The following MED14 variants were observed in gnomAD, a reference collection of about 807,000 sequenced individuals.
MED14 encodes mediator complex subunit 14.
Under a neutral mutation model 109.0 loss-of-function variants are expected in MED14, and 8 were observed. The ratio of observed to expected loss-of-function variants is 0.07; its 90% CI spans 0.04 to 0.13. MED14 has a LOEUF of 0.13. Ranked by LOEUF, MED14 falls within the 10% of genes least tolerant of loss-of-function variation. The pLI, the probability that MED14 is intolerant of heterozygous loss-of-function variation, is 1.00. For missense variants in MED14, 711 were observed against 1,142.4 expected (o/e 0.62, Z 5.44); for synonymous variants, 399 against 408.7 (o/e 0.98, Z 0.29).
chrX:40,674,124 C>A (rs905177777), intron 22 of MED14, among the ~76,000 whole-genome samples: 4 of 111,260 alleles, frequency 3.6e-5, no homozygotes, highest in African/African-American at 6.5e-5. Flanking sequence ...TACTTCTCTC[C>A]CATGGTGGCC....
intron 12 of MED14, 123 bp downstream of exon 12, chrX:40,701,037 AACGGC>A (rs992616425): frequency 5.5e-5 from 23 of 420,427 alleles, no homozygotes; most frequent in Non-Finnish European, 9.4e-5. Context: ...TAAGGTACCA[AACGGC>A]ACTTAAGTTT....
Position 40,680,730 on chromosome X carries a change from T to C in MED14, c.2610+28A>G. On this transcript the variant is annotated intron_variant, in intron 20 of 30. Coordinates refer to ENST00000324817, the MANE Select transcript of MED14 (RefSeq NM_004229.4). ...AGCACGGCTGGCATACTAAGTCTTA[T>C]TTTTAGACAGAAAATAAACTTAATT... 6.0e-6 allele frequency: 7 copies of C among 1,169,402 alleles called. No homozygotes were observed. The East Asian group carries it at 1.5e-4, about 25-fold the overall frequency.
intron 21 of MED14, among the ~76,000 whole-genome samples, chrX:40,678,246 G>A (rs902753888): frequency 1.8e-5 from 2 of 111,642 alleles, no homozygotes; most frequent in Non-Finnish European, 1.9e-5. Context: ...GCAGGTCAGA[G>A]GCCTATTGAA....
Position 40,682,891 on chromosome X carries a change from T to C in MED14, c.2163A>G (p.Val721=), listed in dbSNP as rs764239168. The change falls in exon 17 of 31, where the codon GTA becomes GTG. Residue 721 remains valine, a synonymous_variant. Transcript: ENST00000324817. ...RLQGRNNRTW[V]AELVFANCPL... ...GACAATTTGCAAACACTAACTCTGC[T>C]ACCCAAGTGCGGTTATTTCTACCTT... is the stretch of plus-strand genomic sequence containing the variant. 701 of 1,210,279 alleles carry C rather than the reference T, an allele frequency of 5.8e-4. 4 individuals are homozygous for C. In the South Asian group the frequency reaches 0.012, roughly 20 times the overall value.
Position 40,651,547 on chromosome X carries a change from A to C in MED14, c.*259T>G. 1.1e-6 allele frequency: 1 copy of C among 878,415 alleles called. No homozygotes were observed. The highest frequency in any genetic ancestry group is 5.4e-5 in the East Asian group (1 of 18,620). 72.4% of individuals were successfully genotyped at this position (878,415 alleles called of 1,213,427 possible). On this transcript the variant is annotated 3_prime_UTR_variant, in exon 31 of 31. Transcript: ENST00000324817. ...ACTTTATAGTATAAAACAGAATATT[A>C]AATTTATTACTGGCAAACGGACACT...
chrX:40,656,356 T>C (rs1225585272), intron 28 of MED14, among the ~76,000 whole-genome samples: 1 of 112,140 alleles, frequency 8.9e-6, no homozygotes, highest in Non-Finnish European at 1.9e-5. Context: ...ACTTCGCTAA[T>C]GTACATACCC....
rs749722802 is a variant in MED14, at chrX:40,659,369, C to G, written c.3865-35G>C. 28 of 1,173,198 alleles carry G rather than the reference C, an allele frequency of 2.4e-5. No individual in the cohort carries two copies. In the East Asian group the frequency reaches 8.1e-4, roughly 34 times the overall value. On this transcript the variant is annotated intron_variant, in intron 27 of 30. Coordinates refer to ENST00000324817, the MANE Select transcript of MED14 (RefSeq NM_004229.4). ...TAAATAAAGCAAGTTACTCTTCATT[C>G]TACATTAATGCTTCTGTTTCATTAA...
intron 3 of MED14, among the ~76,000 whole-genome samples, chrX:40,716,708 C>T (rs1360530783): frequency 1.8e-5 from 2 of 111,533 alleles, no homozygotes; most frequent in Non-Finnish European, 1.9e-5. Flanking sequence ...AAGATATCTG[C>T]ACTCCCAGGT....
chrX:40,686,362 T>C (rs923395667), intron 16 of MED14, among the ~76,000 whole-genome samples: 12 of 110,747 alleles, frequency 1.1e-4, no homozygotes, highest in Non-Finnish European at 1.7e-4. Flanking sequence ...ACTAAGAGAA[T>C]AGAATGCAAA....
chrX:40,706,213 G>C (rs1199279830), intron 10 of MED14, among the ~76,000 whole-genome samples: 1 of 111,780 alleles, frequency 8.9e-6, no homozygotes, highest in Non-Finnish European at 1.9e-5. Flanking sequence ...CACAAAAAAG[G>C]ATCAAGTAAG....
chrX:40,703,555 C>T lies in MED14; in HGVS notation c.1300G>A (p.Ala434Thr). Residue 434 changes from alanine to threonine, a missense_variant, in exon 11 of 31, where the codon GCA becomes ACA. Physicochemically the swap from Ala to Thr is moderately conservative, Grantham distance 58. Around this residue, in one of 8 missense-constraint regions of MED14, gnomAD observed 388 missense variants for 517.3 expected, o/e 0.75. Transcript: ENST00000324817. Reference protein sequence around the residue: ...NANENSSIETALPALVVPILE... With the variant: ...NANENSSIETTLPALVVPILE... ...ATGGGAACAACAAGAGCTGGGAGTG[C>T]AGTCTCTATGGAAGCTGAACAATCA... The T allele has an allele frequency of 8.5e-7, 1 of 1,183,093 alleles. No homozygotes were observed.
Position 40,726,836 on chromosome X carries a change from C to T in MED14, c.258G>A (p.Val86=). The change falls in exon 3 of 31, where the codon GTG becomes GTA. Residue 86 remains valine, a synonymous_variant. Transcript: ENST00000324817. ...KSDVERKIEI[V]QFASRTRQLF... Reference sequence around the variant, plus strand: ...GTTGGCGTGTCCGGCTAGCAAACTGCACTATTTCTATTTTCCTATAAAATA... The same window carrying T: ...GTTGGCGTGTCCGGCTAGCAAACTGTACTATTTCTATTTTCCTATAAAATA... 1 of 1,202,401 alleles carries T rather than the reference C, an allele frequency of 8.3e-7. No homozygotes were observed. The highest frequency in any genetic ancestry group is 1.1e-6 in the Non-Finnish European group (1 of 889,834).
At chrX:40,726,592 G>C in intron 3 of MED14, 154 bp downstream of exon 3, 1 of 443,493 alleles carries the variant, frequency 2.3e-6, no homozygotes, top group East Asian at 4.0e-5. Context: ...CAAATACTAA[G>C]TTTCTGCAGA....
At chrX:40,683,478 T>C (rs893783485) in intron 16 of MED14, among the ~76,000 whole-genome samples, 11 of 112,224 alleles carry the variant, frequency 9.8e-5, no homozygotes, top group Non-Finnish European at 9.4e-5. Flanking sequence ...AGAATTACCT[T>C]ATGTGTCATT....
chrX:40,697,798 T>C (rs1930775412), intron 12 of MED14, among the ~76,000 whole-genome samples: 2 of 112,244 alleles, frequency 1.8e-5, no homozygotes, highest in South Asian at 7.3e-4. Context: ...CACAGCAGCA[T>C]AACGATGCCA....
intron 20 of MED14, 129 bp downstream of exon 20, chrX:40,680,629 G>T: frequency 1.9e-6 from 1 of 536,263 alleles, no homozygotes; most frequent in Non-Finnish European, 2.9e-6. Flanking sequence ...CATTGCCCAA[G>T]CTGGTCTTGA....
intron 16 of MED14, among the ~76,000 whole-genome samples, chrX:40,686,528 A>C (rs1318876323): frequency 9.0e-6 from 1 of 111,591 alleles, no homozygotes; most frequent in African/African-American, 3.3e-5. Flanking sequence ...TCTCCTGAAA[A>C]CGTTTTTGTG....
chrX:40,723,023 T>C (rs766492981), intron 3 of MED14, among the ~76,000 whole-genome samples: 1 of 111,908 alleles, frequency 8.9e-6, no homozygotes, highest in Non-Finnish European at 1.9e-5. Context: ...GAAGAAATCA[T>C]CTGAAGGTAC....
chrX:40,711,064 G>T (rs924796179), intron 8 of MED14, 105 bp downstream of exon 8: 33 of 935,434 alleles, frequency 3.5e-5, no homozygotes, highest in Non-Finnish European at 3.1e-5. Context: ...AGCTTGTGTT[G>T]TCCAAGGGTC....
Sources: allele counts gnomAD v4.1 joint callset (sites outside exome capture counted in the v4.1 genomes callset), GRCh38; gene constraint gnomAD v4.1.1; regional missense constraint gnomAD v4.1.1; transcripts MANE v1.5; gene names NCBI Gene and HGNC (gene_info 2026-07-23, HGNC 2026-07-21).